The following PDGFC variants were observed in gnomAD, a reference collection of about 807,000 sequenced individuals.
PDGFC encodes platelet derived growth factor C.
A neutral mutation model predicts 35.5 loss-of-function variants in PDGFC; 12 were observed. The ratio of observed to expected loss-of-function variants is 0.34; its 90% CI spans 0.22 to 0.55. The LOEUF is 0.55. PDGFC is among the 20% of genes least tolerant of loss of function. The pLI, the probability that PDGFC is intolerant of heterozygous loss-of-function variation, is 0.91. For synonymous variants in PDGFC, 159 were observed against 148.8 expected (o/e 1.07, Z -0.50); for missense variants, 322 against 412.4 (o/e 0.78, Z 1.90).
chr4:156,925,742 TA>T lies in PDGFC; in HGVS notation c.118+45043del, dbSNP rs200475937. On this transcript the variant is annotated intron_variant, in intron 1 of 5. Transcript: ENST00000502773. Reference sequence around the variant, plus strand: ...TAGTGTCCTAGAGGCAGTATTATTCTAAAAAAAAAAAAAAGAGAGAGACGGG... The same window carrying T: ...TAGTGTCCTAGAGGCAGTATTATTCTAAAAAAAAAAAAAGAGAGAGACGGG... Among the ~76,000 whole-genome samples, 606 of 138,376 alleles carry T rather than the reference TA, an allele frequency of 4.4e-3. 3 individuals are homozygous for T. The highest frequency in any genetic ancestry group is 7.4e-3 in the Middle Eastern group (2 of 272). 90.8% of individuals were successfully genotyped at this position (138,376 alleles called of 152,430 possible). A position where few individuals can be genotyped will look rare whatever the true frequency, so the allele number is the denominator to read the frequency against.
intron 3 of PDGFC, among the ~76,000 whole-genome samples, chr4:156,807,016 C>CTT (rs558423110): frequency 7.0e-6 from 1 of 143,540 alleles, no homozygotes. Flanking sequence ...TCTACCAGGT[C>CTT]TTTTTTTTTT....
At chr4:156,868,882 C>A (rs1729910636) in intron 1 of PDGFC, among the ~76,000 whole-genome samples, 1 of 152,162 alleles carries the variant, frequency 6.6e-6, no homozygotes, top group African/African-American at 2.4e-5. Context: ...TTCACAAACA[C>A]ATCCTCTTTA....
chr4:156,910,506 A>G (rs991074669), intron 1 of PDGFC, among the ~76,000 whole-genome samples: 4 of 152,162 alleles, frequency 2.6e-5, no homozygotes, highest in African/African-American at 9.7e-5. Flanking sequence ...GAAAATTCAT[A>G]CGTAGATTTT....
At chr4:156,924,337 T>C (rs949465757) in intron 1 of PDGFC, among the ~76,000 whole-genome samples, 22 of 152,198 alleles carry the variant, frequency 1.4e-4, no homozygotes, top group Non-Finnish European at 2.1e-4. Flanking sequence ...ACCTGTAATA[T>C]AGAAGGCACT....
intron 3 of PDGFC, among the ~76,000 whole-genome samples, chr4:156,802,376 A>T (rs1320954052): frequency 6.6e-6 from 1 of 152,146 alleles, no homozygotes; most frequent in East Asian, 1.9e-4. Context: ...GGGCATAGAC[A>T]AGAAGCAATT....
intron 1 of PDGFC, among the ~76,000 whole-genome samples, chr4:156,952,505 T>G (rs1362463887): frequency 2.0e-5 from 3 of 151,984 alleles, no homozygotes; most frequent in Non-Finnish European, 4.4e-5. Flanking sequence ...TTTTAAGATA[T>G]GAACTATGCT....
chr4:156,937,232 C>T (rs981595787), intron 1 of PDGFC, among the ~76,000 whole-genome samples: 1 of 152,110 alleles, frequency 6.6e-6, no homozygotes, highest in African/African-American at 2.4e-5. Context: ...TTGGAAACAT[C>T]ATCATTTAAA....
At chr4:156,962,783 C>A (rs1732372572) in intron 1 of PDGFC, among the ~76,000 whole-genome samples, 1 of 152,046 alleles carries the variant, frequency 6.6e-6, no homozygotes, top group Admixed American at 6.6e-5. Context: ...CCTAATACCT[C>A]ACGGAGAGTT....
chr4:156,781,020 C>T (rs894136155), intron 3 of PDGFC, among the ~76,000 whole-genome samples: 1 of 152,112 alleles, frequency 6.6e-6, no homozygotes, highest in African/African-American at 2.4e-5. Flanking sequence ...TGGACCTTTT[C>T]TAGTTTCTGT....
At chr4:156,814,289 A>G (rs1358721062) in intron 2 of PDGFC, among the ~76,000 whole-genome samples, 1 of 152,156 alleles carries the variant, frequency 6.6e-6, no homozygotes, top group Non-Finnish European at 1.5e-5. Flanking sequence ...AAACAGTAAC[A>G]TTTCAAGTGT....
intron 1 of PDGFC, among the ~76,000 whole-genome samples, chr4:156,898,460 T>G (rs778162996): frequency 2.6e-5 from 4 of 152,162 alleles, no homozygotes; most frequent in Non-Finnish European, 5.9e-5. Flanking sequence ...TAAATGAGTT[T>G]GGTATGGACA....
At chr4:156,824,207 G>A (rs1265476795) in intron 2 of PDGFC, among the ~76,000 whole-genome samples, 1 of 148,764 alleles carries the variant, frequency 6.7e-6, no homozygotes, top group African/African-American at 2.5e-5. Context: ...AACTAAAGAG[G>A]CTCCAAAACT....
At chr4:156,801,663 T>C (rs1731616313) in intron 3 of PDGFC, among the ~76,000 whole-genome samples, 1 of 152,180 alleles carries the variant, frequency 6.6e-6, no homozygotes, top group Non-Finnish European at 1.5e-5. Context: ...TAATCAAATA[T>C]AAAGTCAATC....
chr4:156,778,573 A>G (rs1220646791), intron 3 of PDGFC, among the ~76,000 whole-genome samples: 1 of 152,154 alleles, frequency 6.6e-6, no homozygotes, highest in Non-Finnish European at 1.5e-5. Flanking sequence ...TGCACTTGTT[A>G]ACATCTTTCC....
At chr4:156,886,540 G>C (rs543204994) in intron 1 of PDGFC, 1 of 152,272 alleles carries the variant, frequency 6.6e-6, no homozygotes, top group African/African-American at 2.4e-5. Context: ...TACTCTTTAA[G>C]CAGAATCTTG....
intron 1 of PDGFC, among the ~76,000 whole-genome samples, chr4:156,911,090 T>A (rs186764779): frequency 6.6e-6 from 1 of 152,274 alleles, no homozygotes; most frequent in African/African-American, 2.4e-5. Context: ...GGTGTGCTTT[T>A]GGGATCATAT....
chr4:156,835,890 C>T (rs977843280), intron 2 of PDGFC: 1 of 152,134 alleles, frequency 6.6e-6, no homozygotes, highest in East Asian at 1.9e-4. Context: ...ACTTTGTGTA[C>T]TGAAAAATGC....
At chr4:156,962,183 T>A (rs769302107) in intron 1 of PDGFC, among the ~76,000 whole-genome samples, 1 of 152,142 alleles carries the variant, frequency 6.6e-6, no homozygotes, top group Non-Finnish European at 1.5e-5. Flanking sequence ...GTCTAGGACA[T>A]CTTTCCACTT....
At position 156,810,736 on chromosome 4, in the gene PDGFC, T is replaced by C. The variant is rs917618343; in HGVS notation, c.495+101A>G. ...AAAAATGAAATCCCAGCTAGGTTTG[T>C]TTTCTGATTTTTTTTCTGATTCTCA... On this transcript the variant is annotated intron_variant, in intron 3 of 5. Transcript: ENST00000502773. The C allele has an allele frequency of 5.2e-6, 4 of 766,644 alleles. No individual in the cohort carries two copies. In the African/African-American group the frequency reaches 7.3e-5, roughly 14 times the overall value. 47.5% of individuals were successfully genotyped at this position (766,644 alleles called of 1,614,324 possible).
Sources: gnomAD v4.1 joint callset for allele counts (sites outside exome capture counted in the v4.1 genomes callset) on GRCh38, gnomAD v4.1.1 for gene constraint, MANE v1.5 for transcripts, NCBI Gene and HGNC (gene_info 2026-07-23, HGNC 2026-07-21) for gene names.